PPM1A: variants seen among roughly 807,000 people sequenced by gnomAD.
The protein encoded by PPM1A is protein phosphatase, Mg2+/Mn2+ dependent 1A.
A neutral mutation model predicts 35.0 loss-of-function variants in PPM1A; 7 were observed. That is an observed-to-expected ratio of 0.20 (90% CI 0.11 to 0.38). The LOEUF (loss-of-function observed/expected upper bound fraction) is 0.38. Among genes scored for constraint, PPM1A ranks in the 10% least tolerant of loss-of-function variants. PPM1A has a pLI of 1.00. For missense variants in PPM1A, 239 were observed against 467.8 expected, an observed-to-expected ratio of 0.51 and a Z score of 4.51; for synonymous variants, 153 against 167.3, an observed-to-expected ratio of 0.91 and a Z score of 0.66.
Position 60,283,649 on chromosome 14 carries a change from G to A in PPM1A, c.834+112G>A, listed in dbSNP as rs953628518. 21 of 1,008,668 alleles carry A rather than the reference G, an allele frequency of 2.1e-5. No individual in the cohort carries two copies. Among genetic ancestry groups the A allele is most frequent in the Non-Finnish European group, 3.0e-5 (21 of 700,696 alleles). 62.5% of individuals were successfully genotyped at this position (1,008,668 alleles called of 1,614,324 possible). A position where few individuals can be genotyped will look rare whatever the true frequency, so the allele number is the denominator to read the frequency against. ...TCTGAAACCAGTTTTTGGCACAACT[G>A]TAGGATACTGTTCACCAATTATGAA... On this transcript the variant is annotated intron_variant, in intron 2 of 5. Transcript: ENST00000395076. The surrounding 1 kb of genome is among the most constrained non-coding windows in gnomAD (Gnocchi z 6.3).
upstream of PPM1A, chr14:60,245,836 C>T (rs767197425): frequency 7.0e-6 from 11 of 1,569,842 alleles, no homozygotes; most frequent in South Asian, 8.4e-5. This position sits in a 1 kb window ranked among gnomAD's most constrained non-coding sequence, Gnocchi z 4.2. Flanking sequence ...TTTAGGGGCA[C>T]TGTCTGCTCG....
intron 4 of PPM1A, 150 bp from the exon 5 acceptor site, chr14:60,291,247 G>A (rs1887600471): frequency 2.2e-5 from 11 of 492,012 alleles, no homozygotes; most frequent in Non-Finnish European, 3.8e-5. Context: ...TATCTTAAAA[G>A]TGAGGCTCAC....
intron 1 of PPM1A, among the ~76,000 whole-genome samples, chr14:60,251,743 A>G (rs907766554): frequency 6.6e-6 from 1 of 152,218 alleles, no homozygotes; most frequent in Non-Finnish European, 1.5e-5. Context: ...TTATTTAACA[A>G]ATTCTAAGTT....
At chr14:60,284,065 G>A (rs1423987521) in intron 2 of PPM1A, among the ~76,000 whole-genome samples, 2 of 152,188 alleles carry the variant, frequency 1.3e-5, no homozygotes, top group South Asian at 2.1e-4. Flanking sequence ...ATGGTTTTAG[G>A]TAAGCTATTT....
At chr14:60,246,641 C>T (rs1202364589), upstream of PPM1A, among the ~76,000 whole-genome samples, 2 of 152,204 alleles carry the variant, frequency 1.3e-5, no homozygotes, top group East Asian at 3.9e-4. Context: ...GTTATTTTCC[C>T]CTTCTATCTG....
intron 1 of PPM1A, among the ~76,000 whole-genome samples, chr14:60,253,057 A>C (rs997235797): frequency 6.6e-6 from 1 of 152,214 alleles, no homozygotes; most frequent in East Asian, 1.9e-4. Context: ...AATGTGTATC[A>C]GTAAACTAGA....
At chr14:60,287,161 G>C in intron 3 of PPM1A, 6 of 940,606 alleles carry the variant, frequency 6.4e-6, no homozygotes, top group Non-Finnish European at 7.6e-6. Flanking sequence ...TCCAATTTTA[G>C]AAATGAATTG....
chr14:60,276,479 T>G (rs1885774206), intron 1 of PPM1A, among the ~76,000 whole-genome samples: 1 of 152,204 alleles, frequency 6.6e-6, no homozygotes, highest in African/African-American at 2.4e-5. Flanking sequence ...GTATCCACCC[T>G]TCTTGGAATG....
At position 60,296,504 on chromosome 14, in the gene PPM1A, G is replaced by A. The variant is rs976177278; in HGVS notation, c.*4022G>A. 6.8e-6 allele frequency: 2 copies of A among 292,974 alleles called. No homozygotes were observed. Among genetic ancestry groups the A allele is most frequent in the Admixed American group, 5.2e-5 (1 of 19,062 alleles). The allele number at this position is 292,974 out of a possible 1,614,324, so 18.1% of individuals were successfully genotyped here. On this transcript the variant is annotated 3_prime_UTR_variant, in exon 6 of 6. Coordinates refer to ENST00000395076, the MANE Select transcript of PPM1A (RefSeq NM_021003.5). The surrounding 1 kb of genome is among the most constrained non-coding windows in gnomAD (Gnocchi z 4.4). ...ACCTTAAAGAGTTTTATATACTTTT[G>A]CTCACAGAAACTGCTGGTGAGATTA... is the stretch of plus-strand genomic sequence containing the variant.
intron 1 of PPM1A, chr14:60,276,938 G>A (rs931068085): frequency 2.3e-4 from 157 of 694,534 alleles, no homozygotes; most frequent in Non-Finnish European, 2.9e-4. Context: ...GTTTTTAAAA[G>A]GTACAAAATG....
chr14:60,251,937 A>C (rs996861954), intron 1 of PPM1A, among the ~76,000 whole-genome samples: 1 of 152,156 alleles, frequency 6.6e-6, no homozygotes, highest in African/African-American at 2.4e-5. Flanking sequence ...TGTGAAGGAC[A>C]TTATAAAAAC....
chr14:60,291,509 A>C (rs1430700829), intron 5 of PPM1A, 55 bp downstream of exon 5: 41 of 1,393,146 alleles, frequency 2.9e-5, no homozygotes, highest in Non-Finnish European at 4.0e-5. Flanking sequence ...CTAAATGCAT[A>C]TCCTTCCTAC....
At chr14:60,259,917 T>C (rs1254914043) in intron 1 of PPM1A, among the ~76,000 whole-genome samples, 2 of 152,044 alleles carry the variant, frequency 1.3e-5, no homozygotes, top group Non-Finnish European at 2.9e-5. Context: ...AAACGACTTA[T>C]GGATTATGTA....
chr14:60,289,663 T>A lies in PPM1A; in HGVS notation c.953-143T>A. 1.7e-6 allele frequency: 1 copy of A among 573,070 alleles called. No homozygotes were observed. The highest frequency in any genetic ancestry group is 3.1e-6 in the Non-Finnish European group (1 of 322,714). 35.5% of individuals were successfully genotyped at this position (573,070 alleles called of 1,614,324 possible). A position where few individuals can be genotyped will look rare whatever the true frequency, so the allele number is the denominator to read the frequency against. On this transcript the variant is annotated intron_variant, in intron 3 of 5. Transcript: ENST00000395076. This position sits in a 1 kb window ranked among gnomAD's most constrained non-coding sequence, Gnocchi z 4.1. ...TAAATCTTCAAAGGTCAACCTGATTTTTTTTTTTTTTAAATGATACCAGAT... is the reference window on the plus strand; with the variant it reads ...TAAATCTTCAAAGGTCAACCTGATTATTTTTTTTTTTAAATGATACCAGAT...
upstream of PPM1A, among the ~76,000 whole-genome samples, chr14:60,247,521 T>G (rs1881861187): frequency 1.3e-5 from 2 of 149,484 alleles, no homozygotes; most frequent in South Asian, 2.1e-4. Flanking sequence ...TCCCAGCTAC[T>G]CGGGAGGCTG....
chr14:60,263,254 G>A (rs753010388), intron 1 of PPM1A, among the ~76,000 whole-genome samples: 5 of 152,192 alleles, frequency 3.3e-5, no homozygotes, highest in African/African-American at 4.8e-5. Context: ...GCACTCTAAT[G>A]TGCACATCTT....
intron 1 of PPM1A, among the ~76,000 whole-genome samples, chr14:60,252,516 A>G (rs1882553086): frequency 6.6e-6 from 1 of 152,210 alleles, no homozygotes; most frequent in South Asian, 2.1e-4. Flanking sequence ...TGTGAAATAT[A>G]TAAACCTTGG....
chr14:60,251,802 A>AT (rs1413792432), intron 1 of PPM1A, among the ~76,000 whole-genome samples: 2 of 151,788 alleles, frequency 1.3e-5, no homozygotes, highest in Non-Finnish European at 2.9e-5. Context: ...TAAGCTATTG[A>AT]TTTTTCTTTT....
chr14:60,250,501 A>T (rs1341477745), intron 1 of PPM1A: 2 of 845,206 alleles, frequency 2.4e-6, no homozygotes, highest in African/African-American at 3.7e-5. Context: ...TTCTCTCCTG[A>T]AACACCACAT....
Sources: allele counts gnomAD v4.1 joint callset (sites outside exome capture counted in the v4.1 genomes callset), GRCh38; gene constraint gnomAD v4.1.1; non-coding constraint Gnocchi (gnomAD v3.1); transcripts MANE v1.5; gene names NCBI Gene and HGNC (gene_info 2026-07-23, HGNC 2026-07-21).